AIRE: variants seen among roughly 807,000 people sequenced by gnomAD.
AIRE encodes the protein autoimmune polyendocrinopathy candidiasis ectodermal dystrophy protein.
A neutral mutation model predicts 62.1 loss-of-function variants in AIRE; 52 were observed. The observed-to-expected ratio is 0.84, with a 90% CI of 0.67 to 1.06. AIRE has a LOEUF of 1.06. Ranked by LOEUF, AIRE falls within the 50% of genes least tolerant of loss-of-function variation. The pLI, the probability that AIRE is intolerant of heterozygous loss-of-function variation, is 0.00. For synonymous variants in AIRE, 342 were observed against 321.6 expected (o/e 1.06, Z -0.68); for missense variants, 774 against 755.8 (o/e 1.02, Z -0.28).
In AIRE at chr21:44,286,256, A is replaced by C; in HGVS notation, c.132+118A>C. ...CCCCAAGCCCCTCCAGCCTTCCCCA[A>C]CTCCCTCCCCACAAGGAGCCAGGGG... On this transcript the variant is annotated intron_variant, in intron 1 of 13. Coordinates refer to ENST00000291582, the MANE Select transcript of AIRE (RefSeq NM_000383.4). The surrounding 1 kb of genome is among the most constrained non-coding windows in gnomAD (Gnocchi z 6.0). 2 of 1,180,566 alleles carry C rather than the reference A, an allele frequency of 1.7e-6. No individual in the cohort carries two copies. The highest frequency in any genetic ancestry group is 2.1e-5 in the Admixed American group (1 of 46,978). 73.1% of individuals were successfully genotyped at this position (1,180,566 alleles called of 1,614,324 possible).
Position 44,287,975 on chromosome 21 carries a change from C to T in AIRE, c.539-370C>T, listed in dbSNP as rs955155175. Among the ~76,000 whole-genome samples the T allele has an allele frequency of 6.6e-6, 1 of 152,152 alleles. No individual in the cohort carries two copies. Among genetic ancestry groups the T allele is most frequent in the Non-Finnish European group, 1.5e-5 (1 of 68,000 alleles). On this transcript the variant is annotated intron_variant, in intron 4 of 13. Transcript: ENST00000291582. This position sits in a 1 kb window ranked among gnomAD's most constrained non-coding sequence, Gnocchi z 4.3. ...TCCTTCCTTCCCAGGGCACTGGACT[C>T]CAGAGACCCCCTATCTCCCTGAGGG...
intron 8 of AIRE, 135 bp downstream of exon 8, chr21:44,291,345 C>T (rs748426061): frequency 2.9e-4 from 407 of 1,406,916 alleles, no homozygotes; most frequent in Non-Finnish European, 3.6e-4. Flanking sequence ...GTCACTGGGC[C>T]GTGGGGCCGG....
rs2040519549 is a variant in AIRE at position 44,289,977 on chromosome 21, C to T, written c.799-11C>T. ...GGCTGCCCCCATTGCTGACGCCCCT[C>T]TTCCTTGCAGGGTGGAGGTGAGGCT... On this transcript the variant is annotated splice_polypyrimidine_tract_variant and intron_variant, in intron 6 of 13. Coordinates refer to ENST00000291582, the MANE Select transcript of AIRE (RefSeq NM_000383.4). 2 of 1,610,422 alleles carry T rather than the reference C, an allele frequency of 1.2e-6. No individual in the cohort carries two copies. The highest frequency in any genetic ancestry group is 1.7e-5 in the Admixed American group (1 of 59,632).
intron 11 of AIRE, 83 bp downstream of exon 11, chr21:44,293,993 A>T (rs115787564): frequency 7.1e-7 from 1 of 1,399,378 alleles, no homozygotes; most frequent in African/African-American, 1.9e-5. Flanking sequence ...CACATCATAC[A>T]GCCCACAACC....
chr21:44,295,200 C>A (rs1330815373), intron 12 of AIRE, among the ~76,000 whole-genome samples: 1 of 152,188 alleles, frequency 6.6e-6, no homozygotes, highest in African/African-American at 2.4e-5. Flanking sequence ...ACACGTCCCA[C>A]CTGCTCCACT....
chr21:44,294,833 T>C (rs2040589039), intron 12 of AIRE, among the ~76,000 whole-genome samples: 1 of 152,094 alleles, frequency 6.6e-6, no homozygotes, highest in South Asian at 2.1e-4. Context: ...GCGCCCGGCC[T>C]GCAGGAGCAA....
chr21:44,294,436 T>A lies in AIRE; in HGVS notation c.1436T>A (p.Val479Glu), dbSNP rs753216627. 1.9e-5 allele frequency: 30 copies of A among 1,577,226 alleles called. No individual in the cohort carries two copies. The East Asian group carries it at 6.7e-4, about 35-fold the overall frequency. The change falls in exon 12 of 14, where the codon GTG (valine) becomes GAG (glutamate). Residue 479 changes from valine to glutamate, a missense_variant. By Grantham distance (121) the Val-to-Glu change is moderately radical. Transcript: ENST00000291582. ...GLRCRSCSGDVTPAPVEGVLA... is the reference protein window; with the variant it reads ...GLRCRSCSGDETPAPVEGVLA... ...CGCTGCAGATCCTGCTCAGGAGACG[T>A]GACCCCAGCCCCTGTGGAGGGGGTG... is the stretch of plus-strand genomic sequence containing the variant.
chr21:44,292,476 C>A, intron 9 of AIRE, 75 bp downstream of exon 9: 1 of 852,872 alleles, frequency 1.2e-6, no homozygotes. Context: ...GCTGGGCCAC[C>A]CCCTCCTGTC....
chr21:44,293,313 GGAGC>G, intron 10 of AIRE, 138 bp downstream of exon 10: 1 of 816,490 alleles, frequency 1.2e-6, no homozygotes, highest in Non-Finnish European at 1.9e-6. Context: ...GGCTGTGGGG[GGAGC>G]GTGGGGGGCT....
At chr21:44,290,754 G>T (rs1568928274) in intron 7 of AIRE, 1 of 1,441,260 alleles carries the variant, frequency 6.9e-7, no homozygotes, top group Non-Finnish European at 9.3e-7. Flanking sequence ...CAGGCGCTGA[G>T]GTCGGGAGAG....
At position 44,286,160 on chromosome 21, in the gene AIRE, C is replaced by T; in HGVS notation, c.132+22C>T. ...TCAGGTGGGCTCCCCGCCCGCCCCC[C>T]GCTGCCCCCAGGCCCTGTGAGCCAG... On this transcript the variant is annotated intron_variant, in intron 1 of 13. Coordinates refer to ENST00000291582, the MANE Select transcript of AIRE (RefSeq NM_000383.4). The surrounding 1 kb of genome is among the most constrained non-coding windows in gnomAD (Gnocchi z 6.0). 2.7e-6 allele frequency: 4 copies of T among 1,482,708 alleles called. No homozygotes were observed. Among genetic ancestry groups the T allele is most frequent in the South Asian group, 1.2e-5 (1 of 82,940 alleles). The allele number at this position is 1,482,708 out of a possible 1,614,324, so 91.8% of individuals were successfully genotyped here.
In AIRE at chr21:44,286,235, A is replaced by G. The variant is rs1601964139; in HGVS notation, c.132+97A>G. ...GAGGACCCCGCCCCTCCAGATCCCC[A>G]AGCCCCTCCAGCCTTCCCCAACTCC... On this transcript the variant is annotated intron_variant, in intron 1 of 13. Coordinates refer to ENST00000291582, the MANE Select transcript of AIRE (RefSeq NM_000383.4). This position sits in a 1 kb window ranked among gnomAD's most constrained non-coding sequence, Gnocchi z 6.0. The G allele has an allele frequency of 4.5e-6, 5 of 1,118,248 alleles. No homozygotes were observed. The African/African-American group carries it at 1.4e-4, about 30-fold the overall frequency. The allele number at this position is 1,118,248 out of a possible 1,614,324, so 69.3% of individuals were successfully genotyped here.
Position 44,294,505 on chromosome 21 carries a change from T to A in AIRE, c.1503+2T>A. 2.0e-6 allele frequency: 3 copies of A among 1,475,006 alleles called. No homozygotes were observed. The highest frequency in any genetic ancestry group is 2.7e-6 in the Non-Finnish European group (3 of 1,107,320). 91.4% of individuals were successfully genotyped at this position (1,475,006 alleles called of 1,614,324 possible). ...CGCCTGGCCCCTGGGCCTGCCAAGG[T>A]CAGTGCCGCAGGGGCCCTCCATGCA... On this transcript the variant is annotated splice_donor_variant, in intron 12 of 13. Coordinates refer to ENST00000291582, the MANE Select transcript of AIRE (RefSeq NM_000383.4). LOFTEE classifies it high-confidence loss of function.
At chr21:44,296,812 G>A (rs765919102) in intron 13 of AIRE, among the ~76,000 whole-genome samples, 13 of 148,806 alleles carry the variant, frequency 8.7e-5, no homozygotes, top group Non-Finnish European at 1.6e-4. Context: ...CCCAGGGAGG[G>A]TGGGGCGTGG....
chr21:44,295,051 TG>T (rs1361945266), intron 12 of AIRE, among the ~76,000 whole-genome samples: 6 of 152,152 alleles, frequency 3.9e-5, no homozygotes, highest in African/African-American at 1.4e-4. Context: ...GGGCTTGCCC[TG>T]GAGCTGGGTG....
At chr21:44,290,213 T>G in intron 7 of AIRE, 145 bp downstream of exon 7, 1 of 1,491,282 alleles carries the variant, frequency 6.7e-7, no homozygotes, top group East Asian at 2.5e-5. Flanking sequence ...TTTTCTTTAA[T>G]AGACAGTATT....
At chr21:44,288,718 C>T in intron 5 of AIRE, 1 of 480,552 alleles carries the variant, frequency 2.1e-6, no homozygotes, top group African/African-American at 1.9e-5. Context: ...CAGTCACCTC[C>T]ATCCATGTGC....
At chr21:44,292,126 T>C (rs1414725484) in intron 8 of AIRE, among the ~76,000 whole-genome samples, 176 bp from the exon 9 acceptor site, 1 of 151,748 alleles carries the variant, frequency 6.6e-6, no homozygotes, top group Non-Finnish European at 1.5e-5. Flanking sequence ...CCACGAAGGG[T>C]AAATGTCCCC....
Position 44,287,842 on chromosome 21 carries a change from T to G in AIRE, c.538+251T>G, listed in dbSNP as rs1202167974. Among the ~76,000 whole-genome samples, 1 of 152,114 alleles carries G rather than the reference T, an allele frequency of 6.6e-6. No individual in the cohort carries two copies. The highest frequency in any genetic ancestry group is 1.5e-5 in the Non-Finnish European group (1 of 67,996). On this transcript the variant is annotated intron_variant, in intron 4 of 13. Transcript: ENST00000291582. The surrounding 1 kb of genome is among the most constrained non-coding windows in gnomAD (Gnocchi z 4.3). ...TGGGACCCCCTTCTCAGGCACCTTC[T>G]CTGCCCGTCCACTCCCTATCCTTCA...
Sources: gnomAD v4.1 joint callset for allele counts (sites outside exome capture counted in the v4.1 genomes callset) on GRCh38, gnomAD v4.1.1 for gene constraint, Gnocchi (gnomAD v3.1) non-coding constraint, MANE v1.5 for transcripts, NCBI Gene and HGNC (gene_info 2026-07-23, HGNC 2026-07-21) for gene names.